PRKAR2B: variants seen among roughly 807,000 people sequenced by gnomAD.
PRKAR2B encodes cAMP-dependent protein kinase type II-beta regulatory subunit.
In PRKAR2B, 14 loss-of-function variants were observed where a neutral mutation model predicts 49.9. The observed-to-expected ratio is 0.28, with a 90% confidence interval of 0.19 to 0.44. The LOEUF (loss-of-function observed/expected upper bound fraction) is 0.44, where lower values mean the gene tolerates loss of function less well. Ranked by LOEUF, PRKAR2B falls within the 20% of genes least tolerant of loss-of-function variation. The pLI, the probability that PRKAR2B is intolerant of heterozygous loss-of-function variation, is 1.00. For missense variants in PRKAR2B, 393 were observed against 537.9 expected (o/e 0.73, Z 2.67); for synonymous variants, 196 against 197.7 (o/e 0.99, Z 0.07).
chr7:107,044,914 A>G lies in PRKAR2B; in HGVS notation c.7A>G (p.Ile3Val), dbSNP rs760123694. MSIEIPAGLTELL... is the reference protein window; with the variant it reads MSVEIPAGLTELL... The stretch of plus-strand genomic sequence containing the variant: ...CTGCCGCCCCGGAGGCAGGATGAGC[A>G]TCGAGATCCCGGCGGGACTGACGGA... The change falls in exon 1 of 11, where the codon ATC becomes GTC. Residue 3 changes from isoleucine to valine, a missense_variant. Coordinates refer to ENST00000265717, the MANE Select transcript of PRKAR2B (RefSeq NM_002736.3). 1.9e-5 allele frequency: 30 copies of G among 1,596,922 alleles called. No homozygotes were observed. The highest frequency in any genetic ancestry group is 1.9e-5 in the Non-Finnish European group (22 of 1,174,384).
intron 3 of PRKAR2B, among the ~76,000 whole-genome samples, chr7:107,122,617 C>T (rs1033228243): frequency 6.6e-6 from 1 of 152,112 alleles, no homozygotes; most frequent in African/African-American, 2.4e-5. Flanking sequence ...TTCTGCGTCA[C>T]CCTCCCCCCC....
intron 1 of PRKAR2B, among the ~76,000 whole-genome samples, chr7:107,060,383 G>A (rs892498532): frequency 5.3e-5 from 8 of 152,134 alleles, no homozygotes; most frequent in Non-Finnish European, 1.0e-4. Context: ...ACATTGAAGC[G>A]AACATTCAAT....
intron 5 of PRKAR2B, among the ~76,000 whole-genome samples, chr7:107,141,199 T>C (rs1263001320): frequency 6.6e-6 from 1 of 152,190 alleles, no homozygotes; most frequent in Non-Finnish European, 1.5e-5. Context: ...ATGTCAGTCA[T>C]TTAACATGAG....
At chr7:107,070,190 A>G in intron 1 of PRKAR2B, 91 bp from the exon 2 acceptor site, 1 of 869,782 alleles carries the variant, frequency 1.1e-6, no homozygotes, top group Admixed American at 2.4e-5. Flanking sequence ...CTTTAGTTAA[A>G]TTATAAGATG....
At chr7:107,099,700 G>A (rs113265857) in intron 2 of PRKAR2B, among the ~76,000 whole-genome samples, 7,204 of 150,318 alleles carry the variant, frequency 0.048, 225 homozygotes, top group African/African-American at 0.072. Context: ...GTGCAGTGGC[G>A]CAATCTCAGC....
chr7:107,113,896 A>C (rs1167575600), intron 2 of PRKAR2B, among the ~76,000 whole-genome samples: 6 of 152,160 alleles, frequency 3.9e-5, no homozygotes, highest in Admixed American at 3.9e-4. Flanking sequence ...TCAGAATCGC[A>C]CGGGCTACTC....
chr7:107,090,943 A>G (rs1794722550), intron 2 of PRKAR2B, among the ~76,000 whole-genome samples: 1 of 152,270 alleles, frequency 6.6e-6, no homozygotes, highest in Non-Finnish European at 1.5e-5. Flanking sequence ...CAAAAAAGAA[A>G]TAATACTTTA....
rs777880884 is a variant in PRKAR2B at position 107,093,108 on chromosome 7, TATTC to T, written c.343+22799_343+22802del. Among the ~76,000 whole-genome samples, 53 of 152,236 alleles carry T rather than the reference TATTC, an allele frequency of 3.5e-4. 1 individual carries two copies. Among genetic ancestry groups the T allele is most frequent in the Non-Finnish European group, 7.2e-4 (49 of 68,040 alleles). ...ATTATATGTAAATATCACATTTGTTTATTCATTCATCTGTTGATGGACACTTGGG... is the reference window on the plus strand; with the variant it reads ...ATTATATGTAAATATCACATTTGTTTATTCATCTGTTGATGGACACTTGGG... On this transcript the variant is annotated intron_variant, in intron 2 of 10. Transcript: ENST00000265717.
intron 1 of PRKAR2B, 84 bp downstream of exon 1, chr7:107,045,298 C>T: frequency 8.5e-7 from 1 of 1,183,386 alleles, no homozygotes; most frequent in Non-Finnish European, 1.1e-6. Flanking sequence ...GATCTTGCCG[C>T]TTTGCGCACC....
intron 2 of PRKAR2B, among the ~76,000 whole-genome samples, chr7:107,121,169 G>A (rs1004682651): frequency 6.6e-6 from 1 of 151,712 alleles, no homozygotes; most frequent in Non-Finnish European, 1.5e-5. Context: ...AAAGAAACAT[G>A]GTGATAAATG....
chr7:107,062,738 AATCTT>A (rs1794050274), intron 1 of PRKAR2B, among the ~76,000 whole-genome samples: 1 of 152,122 alleles, frequency 6.6e-6, no homozygotes, highest in Non-Finnish European at 1.5e-5. Flanking sequence ...ACACTCTTGA[AATCTT>A]TTTTTTCCAC....
intron 2 of PRKAR2B, among the ~76,000 whole-genome samples, chr7:107,074,198 C>T (rs370057576): frequency 8.1e-4 from 124 of 152,178 alleles, no homozygotes; most frequent in African/African-American, 2.7e-3. Flanking sequence ...TCACTGCAAC[C>T]TCCACCCTCC....
At chr7:107,148,405 G>A (rs1795929754) in intron 6 of PRKAR2B, among the ~76,000 whole-genome samples, 1 of 151,970 alleles carries the variant, frequency 6.6e-6, no homozygotes, top group African/African-American at 2.4e-5. Context: ...ACTTTAATGG[G>A]GTATAAAAGA....
chr7:107,121,287 G>C lies in PRKAR2B; in HGVS notation c.344-665G>C, dbSNP rs10252653. ...ATATCGATGCATGAAGGTGTTTACTGCAAAGTTGTTTTAATATAAGCCAGC... is the reference window on the plus strand; with the variant it reads ...ATATCGATGCATGAAGGTGTTTACTCCAAAGTTGTTTTAATATAAGCCAGC... On this transcript the variant is annotated intron_variant, in intron 2 of 10. Coordinates refer to ENST00000265717, the MANE Select transcript of PRKAR2B (RefSeq NM_002736.3). Among the ~76,000 whole-genome samples, 617 of 152,174 alleles carry C rather than the reference G, an allele frequency of 4.1e-3. 4 individuals carry two copies. The highest frequency in any genetic ancestry group is 0.014 in the African/African-American group (583 of 41,550).
chr7:107,110,409 C>T (rs779538542), intron 2 of PRKAR2B, among the ~76,000 whole-genome samples: 11 of 151,926 alleles, frequency 7.2e-5, no homozygotes, highest in Non-Finnish European at 1.5e-4. Flanking sequence ...TGGAGAGGCA[C>T]GCGAGTTACT....
chr7:107,152,633 T>C (rs1470104976), intron 7 of PRKAR2B, among the ~76,000 whole-genome samples: 2 of 152,240 alleles, frequency 1.3e-5, no homozygotes, highest in African/African-American at 4.8e-5. Flanking sequence ...GGCATATATA[T>C]GTACCCACAA....
intron 1 of PRKAR2B, among the ~76,000 whole-genome samples, chr7:107,047,948 T>C (rs1318023146): frequency 6.6e-6 from 1 of 152,224 alleles, no homozygotes. Flanking sequence ...ATAGTGATAA[T>C]ACTATATTCT....
chr7:107,106,024 A>C (rs778602602), intron 2 of PRKAR2B, among the ~76,000 whole-genome samples: 2 of 152,076 alleles, frequency 1.3e-5, no homozygotes, highest in Non-Finnish European at 2.9e-5. Context: ...CTTCCTCCTA[A>C]TGTCAGGAGC....
At chr7:107,154,187 A>C (rs1796038734) in intron 8 of PRKAR2B, among the ~76,000 whole-genome samples, 1 of 152,334 alleles carries the variant, frequency 6.6e-6, no homozygotes, top group East Asian at 1.9e-4. Context: ...AGCAAAGAGC[A>C]TGTTTTAAAT....
Sources: gnomAD v4.1 joint callset for allele counts (sites outside exome capture counted in the v4.1 genomes callset) on GRCh38, gnomAD v4.1.1 for gene constraint, MANE v1.5 for transcripts, NCBI Gene and HGNC (gene_info 2026-07-23, HGNC 2026-07-21) for gene names.